Variants in UVRAG observed in about 807,000 individuals in gnomAD.
UVRAG encodes UV radiation resistance associated, also known as UV radiation resistance-associated gene protein.
A neutral mutation model predicts 78.0 loss-of-function variants in UVRAG; 19 were observed. That is an observed-to-expected ratio of 0.24 (90% confidence interval 0.17 to 0.36). The LOEUF (loss-of-function observed/expected upper bound fraction) is 0.36, where lower values mean the gene tolerates loss of function less well. Among genes scored for constraint, UVRAG ranks in the 10% least tolerant of loss-of-function variants. The pLI is 1.00. For synonymous variants in UVRAG, 323 were observed against 324.6 expected (o/e 1.00, Z 0.05); for missense variants, 740 against 853.8 (o/e 0.87, Z 1.66).
chr11:76,143,492 C>T lies in UVRAG; in HGVS notation c.*2079C>T, dbSNP rs1952758560. Reference sequence around the variant, plus strand: ...GGGCTTGTGGCTTTTCACCGCACGGCGGGGAGCCCTGCTCTTGAATGTCAT... The same window carrying T: ...GGGCTTGTGGCTTTTCACCGCACGGTGGGGAGCCCTGCTCTTGAATGTCAT... On this transcript the variant is annotated 3_prime_UTR_variant, in exon 15 of 15. Transcript: ENST00000356136. Among the ~76,000 whole-genome samples, 2 of 152,200 alleles carry T rather than the reference C, an allele frequency of 1.3e-5. No homozygotes were observed. The highest frequency in any genetic ancestry group is 4.8e-5 in the African/African-American group (2 of 41,448).
At chr11:75,920,008 GTTTTTTTTTTTTTTTTTTT>G (rs140217190) in intron 6 of UVRAG, among the ~76,000 whole-genome samples, 6,711 of 56,532 alleles carry the variant, frequency 0.12, 344 homozygotes, top group South Asian at 0.2. Flanking sequence ...AATAATTTTG[GTTTTTTTTTTTTTTTTTTT>G]TTTTTTTTTT....
intron 13 of UVRAG, among the ~76,000 whole-genome samples, chr11:76,085,260 G>A (rs186356067): frequency 1.3e-5 from 2 of 152,132 alleles, no homozygotes; most frequent in Admixed American, 6.5e-5. Flanking sequence ...GCAACATCAT[G>A]GCAATGTGGT....
intron 7 of UVRAG, among the ~76,000 whole-genome samples, chr11:75,964,404 A>G (rs1591069236): frequency 6.6e-6 from 1 of 152,180 alleles, no homozygotes. Context: ...TTGAACTGGA[A>G]ATTCAATTTC....
At chr11:75,951,156 G>A (rs1470306591) in intron 6 of UVRAG, among the ~76,000 whole-genome samples, 1 of 151,836 alleles carries the variant, frequency 6.6e-6, no homozygotes, top group African/African-American at 2.4e-5. Flanking sequence ...TTACATTTAG[G>A]TCCCTAATCC....
chr11:75,884,319 G>A (rs1947030887), intron 4 of UVRAG, among the ~76,000 whole-genome samples: 1 of 150,848 alleles, frequency 6.6e-6, no homozygotes, highest in African/African-American at 2.4e-5. Context: ...GAGTTGTAAA[G>A]TTCTTTATGT....
At chr11:76,091,125 T>C (rs1056138167) in intron 13 of UVRAG, among the ~76,000 whole-genome samples, 3 of 152,220 alleles carry the variant, frequency 2.0e-5, no homozygotes, top group African/African-American at 7.2e-5. Flanking sequence ...TTTATTCTTC[T>C]CTGACTGAAA....
chr11:75,968,274 A>G (rs1016997153), intron 7 of UVRAG, among the ~76,000 whole-genome samples: 1 of 152,240 alleles, frequency 6.6e-6, no homozygotes, highest in Non-Finnish European at 1.5e-5. Flanking sequence ...CAGTTCACAT[A>G]TAGTGTTGTA....
intron 8 of UVRAG, among the ~76,000 whole-genome samples, chr11:75,993,194 G>A (rs536260274): frequency 2.2e-4 from 33 of 152,288 alleles, no homozygotes; most frequent in African/African-American, 7.9e-4. Context: ...AAGAAACCAG[G>A]TGCTTATATT....
intron 6 of UVRAG, among the ~76,000 whole-genome samples, chr11:75,919,757 C>A (rs559933487): frequency 4.6e-4 from 70 of 152,260 alleles, no homozygotes; most frequent in Non-Finnish European, 8.4e-4. Flanking sequence ...ATGCTGTCTC[C>A]ATTTAACAGA....
intron 6 of UVRAG, among the ~76,000 whole-genome samples, chr11:75,928,381 C>T (rs535590843): frequency 3.9e-4 from 59 of 152,100 alleles, no homozygotes; most frequent in Non-Finnish European, 5.1e-4. Context: ...AGGAGAAGGA[C>T]GGCTAATGAG....
intron 8 of UVRAG, among the ~76,000 whole-genome samples, chr11:75,990,305 A>G (rs1447312845): frequency 1.3e-5 from 2 of 152,164 alleles, no homozygotes; most frequent in East Asian, 1.9e-4. Flanking sequence ...TATCTCTACA[A>G]TGGGGTTAAT....
chr11:75,959,696 C>A lies in UVRAG; in HGVS notation c.594-1748C>A, dbSNP rs181434076. Reference sequence around the variant, plus strand: ...CCTTCAAGAACTTTTCCTTTGCATTCACAACTTGGCTGACTGTTTCATGCA... The same window carrying A: ...CCTTCAAGAACTTTTCCTTTGCATTAACAACTTGGCTGACTGTTTCATGCA... On this transcript the variant is annotated intron_variant, in intron 6 of 14. Transcript: ENST00000356136. Among the ~76,000 whole-genome samples the A allele has an allele frequency of 2.6e-5, 4 of 152,316 alleles. No homozygotes were observed. The East Asian group carries it at 7.7e-4, about 29-fold the overall frequency.
chr11:76,100,044 A>G (rs895636356), intron 13 of UVRAG, among the ~76,000 whole-genome samples: 4 of 152,112 alleles, frequency 2.6e-5, no homozygotes, highest in African/African-American at 9.7e-5. Flanking sequence ...TATTATATAT[A>G]ATGTTACGCA....
chr11:75,891,458 T>C (rs1414192274), intron 5 of UVRAG, among the ~76,000 whole-genome samples: 1 of 152,228 alleles, frequency 6.6e-6, no homozygotes, highest in East Asian at 1.9e-4. Flanking sequence ...ATAATATTAA[T>C]AGCTAAAATG....
chr11:75,870,880 T>A (rs182383343), intron 3 of UVRAG, among the ~76,000 whole-genome samples: 285 of 152,324 alleles, frequency 1.9e-3, no homozygotes, highest in African/African-American at 5.8e-3. Flanking sequence ...ATTTTATTTT[T>A]TTTTTTGATA....
intron 3 of UVRAG, among the ~76,000 whole-genome samples, chr11:75,878,036 G>A (rs112652641): frequency 0.066 from 9,855 of 149,170 alleles, 471 homozygotes; most frequent in African/African-American, 0.14. Flanking sequence ...GGTGGCTGCC[G>A]GGCGGAGGGG....
chr11:75,974,917 G>A (rs996354217), intron 7 of UVRAG, among the ~76,000 whole-genome samples: 8 of 152,188 alleles, frequency 5.3e-5, no homozygotes, highest in Admixed American at 2.0e-4. Flanking sequence ...TTTTGTTGCT[G>A]TTGCTTTTGG....
intron 5 of UVRAG, among the ~76,000 whole-genome samples, chr11:75,906,918 A>G (rs978029293): frequency 1.3e-5 from 2 of 152,076 alleles, no homozygotes; most frequent in Non-Finnish European, 2.9e-5. Context: ...TGTTTTGACT[A>G]TTGTTGCTTG....
At chr11:76,099,544 G>A (rs1951843897) in intron 13 of UVRAG, among the ~76,000 whole-genome samples, 1 of 152,182 alleles carries the variant, frequency 6.6e-6, no homozygotes, top group Admixed American at 6.5e-5. Flanking sequence ...TATAGTAAAT[G>A]TATAGGTTAG....
Sources: gnomAD v4.1 joint callset for allele counts (sites outside exome capture counted in the v4.1 genomes callset) on GRCh38, gnomAD v4.1.1 for gene constraint, MANE v1.5 for transcripts, NCBI Gene and HGNC (gene_info 2026-07-23, HGNC 2026-07-21) for gene names.